Variants in TMEM117 observed in about 807,000 individuals in gnomAD.
TMEM117 encodes transmembrane protein 117.
In TMEM117, 27 loss-of-function variants were observed where a neutral mutation model predicts 52.4. The observed-to-expected ratio is 0.51, with a 90% CI of 0.38 to 0.71. TMEM117 has a LOEUF of 0.71. TMEM117 is among the 30% of genes least tolerant of loss of function. The probability of loss-of-function intolerance (pLI) is 0.00; values close to 1 mark genes in which losing one functional copy is unlikely to be tolerated. For synonymous variants in TMEM117, 215 were observed against 206.3 expected, an observed-to-expected ratio of 1.04 and a Z score of -0.36; for missense variants, 556 against 630.5, an observed-to-expected ratio of 0.88 and a Z score of 1.26.
intron 3 of TMEM117, among the ~76,000 whole-genome samples, chr12:43,999,071 A>G (rs962948082): frequency 6.6e-6 from 1 of 152,224 alleles, no homozygotes; most frequent in Admixed American, 6.5e-5. Context: ...ACCCTCATAC[A>G]CTGCTATTCG....
the TMEM117 span, among the ~76,000 whole-genome samples, chr12:43,801,027 C>T: frequency 1.1e-4 from 17 of 152,266 alleles, no homozygotes; most frequent in East Asian, 2.5e-3. Flanking sequence ...TTAGGGATTA[C>T]AGGCATGAGC....
chr12:43,856,476 A>G (rs78170106), intron 2 of TMEM117, among the ~76,000 whole-genome samples: 3,389 of 152,268 alleles, frequency 0.022, 77 homozygotes, highest in East Asian at 0.067. Flanking sequence ...GAATTTAAAA[A>G]AGCAGTTCCT....
the TMEM117 span, among the ~76,000 whole-genome samples, chr12:43,810,587 T>G: frequency 6.8e-6 from 1 of 148,070 alleles, no homozygotes; most frequent in Non-Finnish European, 1.5e-5. Context: ...TAGCAGGGTT[T>G]GTTTGTTTTG....
At chr12:44,143,502 G>A in intron 3 of TMEM117, 23 bp from the exon 4 acceptor site, 1 of 1,580,202 alleles carries the variant, frequency 6.3e-7, no homozygotes, top group Non-Finnish European at 8.7e-7. Context: ...TCCGGACAAT[G>A]TCTTGTGTGT....
Position 44,194,682 on chromosome 12 carries a change from C to T in TMEM117, c.511-16608C>T, listed in dbSNP as rs552176941. Among the ~76,000 whole-genome samples, 598 of 151,938 alleles carry T rather than the reference C, an allele frequency of 3.9e-3. 3 individuals carry two copies. Among genetic ancestry groups the T allele is most frequent in the African/African-American group, 0.014 (561 of 41,466 alleles). On this transcript the variant is annotated intron_variant, in intron 4 of 7. Coordinates refer to ENST00000266534, the MANE Select transcript of TMEM117 (RefSeq NM_032256.3). ...CTCTACAAAAGATACAAATATTATTCGGGCATGGTGGCATGGCACACACCT... is the reference window on the plus strand; with the variant it reads ...CTCTACAAAAGATACAAATATTATTTGGGCATGGTGGCATGGCACACACCT...
chr12:44,370,505 CTTTT>C (rs947989035), intron 6 of TMEM117, among the ~76,000 whole-genome samples: 1 of 120,424 alleles, frequency 8.3e-6, no homozygotes, highest in Non-Finnish European at 1.7e-5. Context: ...CACAGAGATT[CTTTT>C]TTTTTTTTTT....
intron 5 of TMEM117, among the ~76,000 whole-genome samples, chr12:44,270,597 G>T (rs1950434429): frequency 6.6e-6 from 1 of 152,034 alleles, no homozygotes; most frequent in Non-Finnish European, 1.5e-5. Flanking sequence ...TGACTTGGAT[G>T]CCCTTCATTT....
intron 2 of TMEM117, among the ~76,000 whole-genome samples, chr12:43,864,835 A>C (rs1943557749): frequency 6.6e-6 from 1 of 152,194 alleles, no homozygotes; most frequent in African/African-American, 2.4e-5. Flanking sequence ...TGCTGTTTGC[A>C]ATAAATCTTG....
intron 6 of TMEM117, chr12:44,318,363 T>A (rs1157884012): frequency 6.6e-6 from 1 of 152,072 alleles, no homozygotes; most frequent in African/African-American, 2.4e-5. Flanking sequence ...CTAATCTATG[T>A]ACGTTAAGGT....
In TMEM117 at chr12:43,863,811, C is replaced by T. The variant is rs931234776; in HGVS notation, c.277+18883C>T. On this transcript the variant is annotated intron_variant, in intron 2 of 7. Transcript: ENST00000266534. ...CCCATTCTGGCCACACTTGAGGAGC[C>T]CTTCAGCCTGCCACTGCACCATGGG... Among the ~76,000 whole-genome samples the T allele has an allele frequency of 3.9e-5, 6 of 152,212 alleles. No individual in the cohort carries two copies. The East Asian group carries it at 1.2e-3, about 29-fold the overall frequency.
intron 3 of TMEM117, among the ~76,000 whole-genome samples, chr12:44,078,356 G>A (rs1448358893): frequency 6.6e-6 from 1 of 152,182 alleles, no homozygotes; most frequent in African/African-American, 2.4e-5. Context: ...AGTTGGTTGT[G>A]GATAGATGTC....
intron 3 of TMEM117, among the ~76,000 whole-genome samples, chr12:43,961,988 C>T (rs1216612386): frequency 1.3e-5 from 2 of 152,186 alleles, no homozygotes; most frequent in Non-Finnish European, 2.9e-5. Flanking sequence ...TTGTTATTAA[C>T]TCCATAGTTA....
intron 3 of TMEM117, among the ~76,000 whole-genome samples, chr12:44,093,916 G>A (rs1424604694): frequency 1.3e-5 from 2 of 151,984 alleles, no homozygotes; most frequent in South Asian, 2.1e-4. Flanking sequence ...TAGTATTGCT[G>A]TGGTTTATAC....
the TMEM117 span, chr12:43,799,315 G>C: frequency 1.1e-6 from 1 of 888,318 alleles, no homozygotes; most frequent in Non-Finnish European, 1.7e-6. Flanking sequence ...TTAATCTCTA[G>C]TTATCCTCCC....
At chr12:44,235,341 A>C (rs1193050107) in intron 5 of TMEM117, among the ~76,000 whole-genome samples, 3 of 150,598 alleles carry the variant, frequency 2.0e-5, no homozygotes, top group Non-Finnish European at 4.4e-5. Context: ...TGTTAAATGC[A>C]CAGTTAGATT....
At chr12:43,820,581 A>ATTTT in the TMEM117 span, among the ~76,000 whole-genome samples, 3 of 135,148 alleles carry the variant, frequency 2.2e-5, no homozygotes, top group African/African-American at 5.3e-5. Context: ...CCACAGGCGT[A>ATTTT]TTTTTTTTTT....
chr12:44,023,531 A>G (rs1379880265), intron 3 of TMEM117, among the ~76,000 whole-genome samples: 2 of 151,958 alleles, frequency 1.3e-5, no homozygotes, highest in Non-Finnish European at 2.9e-5. Flanking sequence ...CTGGTGTGAG[A>G]TGGTATCTCA....
At chr12:43,852,783 T>G (rs1481698092) in intron 2 of TMEM117, among the ~76,000 whole-genome samples, 1 of 152,212 alleles carries the variant, frequency 6.6e-6, no homozygotes, top group Non-Finnish European at 1.5e-5. Flanking sequence ...CCTTTCCTAT[T>G]ATTTACCTTC....
intron 5 of TMEM117, among the ~76,000 whole-genome samples, chr12:44,222,299 T>C (rs1237293990): frequency 6.6e-6 from 1 of 152,148 alleles, no homozygotes; most frequent in Admixed American, 6.5e-5. Flanking sequence ...CACCTTTGCA[T>C]CCTCTTAGTG....
Sources: gnomAD v4.1 joint callset for allele counts (sites outside exome capture counted in the v4.1 genomes callset) on GRCh38, gnomAD v4.1.1 for gene constraint, MANE v1.5 for transcripts, NCBI Gene and HGNC (gene_info 2026-07-23, HGNC 2026-07-21) for gene names.